Variants in SATL1 observed in about 807,000 individuals in gnomAD.
SATL1 encodes the protein spermidine/spermine N1-acetyl transferase like 1, also known as spermidine/spermine N(1)-acetyltransferase-like protein 1.
A neutral mutation model predicts 51.8 loss-of-function variants in SATL1; 47 were observed. The observed-to-expected ratio is 0.91, with a 90% confidence interval of 0.72 to 1.16. SATL1 has a LOEUF of 1.16. SATL1 is among the 50% of genes most tolerant of loss of function. The pLI is 0.00. For synonymous variants in SATL1, 176 were observed against 182.4 expected (o/e 0.97, Z 0.28); for missense variants, 520 against 526.4 (o/e 0.99, Z 0.12).
chrX:85,164,064 T>C (rs1316964436), intron 2 of SATL1, among the ~76,000 whole-genome samples: 2 of 111,888 alleles, frequency 1.8e-5, no homozygotes, highest in Non-Finnish European at 3.8e-5. Flanking sequence ...TTTTGTCTGA[T>C]ATAAGAATCC....
chrX:85,207,290 A>G (rs1320166136), intron 2 of SATL1: 1 of 111,485 alleles, frequency 9.0e-6, no homozygotes, highest in Non-Finnish European at 1.9e-5. Context: ...TTCTGTAACA[A>G]TTGGAAAAAC....
Position 85,200,676 on chromosome X carries a change from G to A in SATL1, c.-313+23529C>T, listed in dbSNP as rs1363986622. Reference sequence around the variant, plus strand: ...CACTTACTCATCACTAATTCACAAAGGAATTTCTTTAAAATAAGAGGTGAT... The same window carrying A: ...CACTTACTCATCACTAATTCACAAAAGAATTTCTTTAAAATAAGAGGTGAT... On this transcript the variant is annotated intron_variant, in intron 2 of 7. Coordinates refer to ENST00000644105, the MANE Select transcript of SATL1 (RefSeq NM_001367857.2). 4.5e-5 allele frequency among the ~76,000 whole-genome samples: 5 copies of A among 110,914 alleles called. No individual in the cohort carries two copies. The East Asian group carries it at 1.4e-3, about 32-fold the overall frequency.
intron 2 of SATL1, among the ~76,000 whole-genome samples, chrX:85,160,406 T>G (rs770652284): frequency 1.8e-5 from 2 of 110,316 alleles, no homozygotes; most frequent in Non-Finnish European, 3.8e-5. Context: ...CAGCAGTAAA[T>G]TGAAACCCAA....
chrX:85,152,041 G>T (rs1353961681), intron 2 of SATL1, among the ~76,000 whole-genome samples: 1 of 109,631 alleles, frequency 9.1e-6, no homozygotes, highest in African/African-American at 3.3e-5. Flanking sequence ...CCTACAAAAT[G>T]GGAGAAAATT....
At chrX:85,101,596 G>A (rs1364816656) in intron 4 of SATL1, among the ~76,000 whole-genome samples, 1 of 111,729 alleles carries the variant, frequency 9.0e-6, no homozygotes, top group Non-Finnish European at 1.9e-5. Context: ...GTAAAATGAT[G>A]CAGCTGTTGT....
At chrX:85,190,711 A>C (rs1263170249) in intron 2 of SATL1, among the ~76,000 whole-genome samples, 3 of 111,488 alleles carry the variant, frequency 2.7e-5, no homozygotes, top group Admixed American at 1.9e-4. Flanking sequence ...TAAGGTAAAC[A>C]AAAAATTAGC....
chrX:85,192,639 G>A (rs973346851), intron 2 of SATL1, among the ~76,000 whole-genome samples: 2 of 111,070 alleles, frequency 1.8e-5, no homozygotes, highest in African/African-American at 6.5e-5. Flanking sequence ...GCAGTCATTT[G>A]TTTTGTCCAC....
At chrX:85,174,647 T>G (rs763678047) in intron 2 of SATL1, among the ~76,000 whole-genome samples, 1 of 111,271 alleles carries the variant, frequency 9.0e-6, no homozygotes. Flanking sequence ...ACACCAGAAA[T>G]CTAAGAGAAT....
chrX:85,195,012 T>TA (rs2147746860), intron 2 of SATL1, among the ~76,000 whole-genome samples: 1 of 102,344 alleles, frequency 9.8e-6, no homozygotes, highest in East Asian at 2.9e-4. Flanking sequence ...CCCCAGGACT[T>TA]AAAGTGTATA....
intron 2 of SATL1, among the ~76,000 whole-genome samples, chrX:85,187,626 A>T (rs1927341788): frequency 9.0e-6 from 1 of 111,655 alleles, no homozygotes; most frequent in Non-Finnish European, 1.9e-5. Context: ...ACATTTATTG[A>T]TTTCCGTATC....
chrX:85,121,500 AGT>A (rs1925508621), intron 2 of SATL1, among the ~76,000 whole-genome samples: 1 of 104,381 alleles, frequency 9.6e-6, no homozygotes, highest in Non-Finnish European at 1.9e-5. Flanking sequence ...GTTAGTATAT[AGT>A]ATATATACTA....
In SATL1 at chrX:85,103,912, A is replaced by G. The variant is rs772881063; in HGVS notation, c.1645T>C (p.Leu549=). Residue 549 remains leucine (L), a synonymous_variant, in exon 4 of 8, where the codon TTG becomes CTG. Coordinates refer to ENST00000644105, the MANE Select transcript of SATL1 (RefSeq NM_001367857.2). The part of the protein sequence containing the change: ...CPEILRLIKE[L]AACENMLDAM... ...TCTAGCATGTTTTCACAGGCAGCCA[A>G]TTCCTGTCAAAGTAGATAAAACCTT... 6.0e-6 allele frequency: 7 copies of G among 1,174,837 alleles called. No homozygotes were observed. Among genetic ancestry groups the G allele is most frequent in the Non-Finnish European group, 8.1e-6 (7 of 863,359 alleles).
At chrX:85,125,579 T>C (rs1423437671) in intron 2 of SATL1, among the ~76,000 whole-genome samples, 1 of 107,719 alleles carries the variant, frequency 9.3e-6, no homozygotes, top group South Asian at 4.2e-4. Flanking sequence ...GAATTGTCCA[T>C]TGCCTTATGT....
At chrX:85,225,736 A>G (rs964465658) in intron 1 of SATL1, among the ~76,000 whole-genome samples, 1 of 111,699 alleles carries the variant, frequency 9.0e-6, no homozygotes, top group African/African-American at 3.3e-5. Flanking sequence ...TATGCAAGAA[A>G]TATCTCTTTT....
intron 2 of SATL1, among the ~76,000 whole-genome samples, chrX:85,142,038 C>A (rs1737436812): frequency 9.8e-6 from 1 of 101,794 alleles, no homozygotes; most frequent in Admixed American, 1.1e-4. Flanking sequence ...TTGGCACCAA[C>A]CTAATAATAT....
At chrX:85,112,017 A>C (rs1925271425) in intron 2 of SATL1, among the ~76,000 whole-genome samples, 1 of 111,925 alleles carries the variant, frequency 8.9e-6, no homozygotes, top group Non-Finnish European at 1.9e-5. Flanking sequence ...GTGGAAGAAG[A>C]GACCAAGGCA....
chrX:85,233,457 T>A (rs1260724807), intron 1 of SATL1, among the ~76,000 whole-genome samples: 1 of 112,270 alleles, frequency 8.9e-6, no homozygotes, highest in East Asian at 2.8e-4. Context: ...GAGTGACCAA[T>A]TCCTGAGTGA....
chrX:85,130,711 C>T (rs781329776), intron 2 of SATL1, among the ~76,000 whole-genome samples: 5 of 111,284 alleles, frequency 4.5e-5, no homozygotes, highest in Non-Finnish European at 7.5e-5. Context: ...TTTGCTCTTG[C>T]GTCTCTAGTT....
intron 2 of SATL1, among the ~76,000 whole-genome samples, chrX:85,220,653 A>T (rs1345025784): frequency 2.3e-5 from 1 of 43,471 alleles, no homozygotes; most frequent in Non-Finnish European, 3.6e-5. Context: ...TTAAAAAAAA[A>T]AAAAAAAAAA....
Sources: gnomAD v4.1 joint callset for allele counts (sites outside exome capture counted in the v4.1 genomes callset) on GRCh38, gnomAD v4.1.1 for gene constraint, MANE v1.5 for transcripts, NCBI Gene and HGNC (gene_info 2026-07-23, HGNC 2026-07-21) for gene names.